Variants in HDAC1 observed in about 807,000 individuals in gnomAD.
HDAC1 encodes the protein protein deacetylase HDAC1.
HDAC1 carries 18 observed loss-of-function variants against 65.5 expected under a neutral mutation model. That is an observed-to-expected ratio of 0.27 (90% CI 0.19 to 0.41). The LOEUF (loss-of-function observed/expected upper bound fraction) is 0.41. Ranked by LOEUF, HDAC1 falls within the 10% of genes least tolerant of loss-of-function variation. The pLI is 1.00. For synonymous variants in HDAC1, 211 were observed against 227.9 expected (o/e 0.93, Z 0.67); for missense variants, 373 against 625.2 (o/e 0.60, Z 4.30).
intron 3 of HDAC1, among the ~76,000 whole-genome samples, chr1:32,319,455 A>G (rs973696382): frequency 6.6e-6 from 1 of 152,110 alleles, no homozygotes; most frequent in Non-Finnish European, 1.5e-5. Flanking sequence ...AGCCCTTTTT[A>G]AAAAAAGAAT....
chr1:32,327,133 C>T lies in HDAC1; in HGVS notation c.494+56C>T. 1 of 1,582,242 alleles carries T rather than the reference C, an allele frequency of 6.3e-7. No homozygotes were observed. The highest frequency in any genetic ancestry group is 1.1e-5 in the South Asian group (1 of 90,030). ...AGCACCTTAGGCCAGGTTCCCATTT[C>T]CCTCTTCCCCTGGGCTTGCCTCCCT... On this transcript the variant is annotated intron_variant, in intron 5 of 13. Transcript: ENST00000373548. The surrounding 1 kb of genome is among the most constrained non-coding windows in gnomAD (Gnocchi z 6.0).
intron 2 of HDAC1, among the ~76,000 whole-genome samples, chr1:32,309,692 A>C (rs1178876298): frequency 2.0e-5 from 3 of 148,380 alleles, no homozygotes; most frequent in East Asian, 3.9e-4. Context: ...AAAAAAAAAA[A>C]AAAAAAAAAA....
chr1:32,332,572 G>C (rs1417085750), intron 12 of HDAC1, 129 bp from the exon 13 acceptor site: 10 of 721,034 alleles, frequency 1.4e-5, no homozygotes, highest in Non-Finnish European at 2.4e-5. Flanking sequence ...GGGAGGACCA[G>C]GGATGGGCTT....
intron 1 of HDAC1, among the ~76,000 whole-genome samples, chr1:32,294,194 G>T (rs1202369338): frequency 6.6e-6 from 1 of 152,130 alleles, no homozygotes; most frequent in East Asian, 1.9e-4. Flanking sequence ...CCAGGCTGGA[G>T]TGCAGTGGCT....
rs916752531 is a variant in HDAC1, at chr1:32,327,366, G to T, written c.495-170G>T. On this transcript the variant is annotated intron_variant, in intron 5 of 13. Coordinates refer to ENST00000373548, the MANE Select transcript of HDAC1 (RefSeq NM_004964.3). This position sits in a 1 kb window ranked among gnomAD's most constrained non-coding sequence, Gnocchi z 6.0. ...GATCGGACTTGGTCGGCTTGGTCAG[G>T]CCTCTGGAGACACCCGGCCGCTCTT... is the stretch of plus-strand genomic sequence containing the variant. 9.1e-6 allele frequency: 6 copies of T among 657,112 alleles called. No individual in the cohort carries two copies. In the African/African-American group the frequency reaches 1.1e-4, roughly 12 times the overall value. The allele number at this position is 657,112 out of a possible 1,614,324, so 40.7% of individuals were successfully genotyped here.
chr1:32,325,227 A>G (rs923437566), intron 4 of HDAC1, among the ~76,000 whole-genome samples: 4 of 152,226 alleles, frequency 2.6e-5, no homozygotes, highest in Non-Finnish European at 4.4e-5. Flanking sequence ...TTACCTTTAG[A>G]GGTCAGAAAT....
At chr1:32,325,665 CTTGAG>C (rs1374489068) in intron 4 of HDAC1, among the ~76,000 whole-genome samples, 1 of 152,130 alleles carries the variant, frequency 6.6e-6, no homozygotes, top group Non-Finnish European at 1.5e-5. Context: ...TGTGGATTTA[CTTGAG>C]TTGATATAAT....
At chr1:32,328,955 T>C (rs1015561922) in intron 6 of HDAC1, 113 bp from the exon 7 acceptor site, 2 of 755,568 alleles carry the variant, frequency 2.6e-6, no homozygotes, top group East Asian at 4.9e-5. Flanking sequence ...CTGGCCCACA[T>C]CATGGGCCTA....
At chr1:32,299,544 C>T (rs1404587758) in intron 1 of HDAC1, among the ~76,000 whole-genome samples, 1 of 152,214 alleles carries the variant, frequency 6.6e-6, no homozygotes, top group Non-Finnish European at 1.5e-5. Flanking sequence ...TGAGCCTTGG[C>T]TGGATCTAGG....
In HDAC1 at chr1:32,330,913, T is replaced by C. The variant is rs370274596; in HGVS notation, c.979+5T>C. On this transcript the variant is annotated splice_donor_5th_base_variant and intron_variant, in intron 9 of 13. Transcript: ENST00000373548. This position sits in a 1 kb window ranked among gnomAD's most constrained non-coding sequence, Gnocchi z 4.2. ...TGGATACGGAGATCCCTAATGGTAA[T>C]AGCTGCAGGGCCAGGTTCGGCTGGG... 7.4e-5 allele frequency: 119 copies of C among 1,613,912 alleles called. No individual in the cohort carries two copies. The Admixed American group carries it at 1.7e-3, about 23-fold the overall frequency.
intron 2 of HDAC1, among the ~76,000 whole-genome samples, chr1:32,313,269 A>G (rs1463869962): frequency 6.6e-6 from 1 of 151,202 alleles, no homozygotes; most frequent in Non-Finnish European, 1.5e-5. Flanking sequence ...TAATTTTTGT[A>G]TTTTTATTGG....
chr1:32,292,707 G>A (rs74064093), intron 1 of HDAC1, among the ~76,000 whole-genome samples: 4,096 of 152,142 alleles, frequency 0.027, 181 homozygotes, highest in African/African-American at 0.093. Context: ...GGCGCCAGGG[G>A]TTGCAAGGAG....
chr1:32,318,518 G>A (rs1460948309), intron 3 of HDAC1, among the ~76,000 whole-genome samples: 3 of 151,518 alleles, frequency 2.0e-5, no homozygotes, highest in Non-Finnish European at 4.4e-5. Flanking sequence ...AGCCATGATT[G>A]TACTACTGCA....
At chr1:32,300,171 T>G (rs533845429) in intron 1 of HDAC1, among the ~76,000 whole-genome samples, 1 of 152,222 alleles carries the variant, frequency 6.6e-6, no homozygotes, top group African/African-American at 2.4e-5. Context: ...GGCACTTAAC[T>G]TCTCTGAGTC....
chr1:32,331,864 C>T lies in HDAC1; in HGVS notation c.1219+58C>T, dbSNP rs999727069. 34 of 1,544,304 alleles carry T rather than the reference C, an allele frequency of 2.2e-5. No individual in the cohort carries two copies. Among genetic ancestry groups the T allele is most frequent in the Non-Finnish European group, 2.4e-5 (27 of 1,143,006 alleles). ...ATTCAATAGGCAGCTCACACTTCCA[C>T]CACCATTCCTGGCTGCACACTCCCT... On this transcript the variant is annotated intron_variant, in intron 11 of 13. Transcript: ENST00000373548. The surrounding 1 kb of genome is among the most constrained non-coding windows in gnomAD (Gnocchi z 4.2).
Position 32,302,741 on chromosome 1 carries a change from A to G in HDAC1, c.162+8A>G. 1.5e-6 allele frequency: 2 copies of G among 1,297,248 alleles called. No homozygotes were observed. The highest frequency in any genetic ancestry group is 2.4e-5 in the South Asian group (2 of 84,902). 80.4% of individuals were successfully genotyped at this position (1,297,248 alleles called of 1,614,324 possible). On this transcript the variant is annotated splice_region_variant and intron_variant, in intron 2 of 13. Coordinates refer to ENST00000373548, the MANE Select transcript of HDAC1 (RefSeq NM_004964.3). ...CGAAAAATGGAAATCTATGTGAGTT[A>G]CCAGAGGTGCTACCGCTCCCTAACC... is the stretch of plus-strand genomic sequence containing the variant.
intron 2 of HDAC1, among the ~76,000 whole-genome samples, chr1:32,313,187 C>T (rs1641013589): frequency 6.6e-6 from 1 of 151,612 alleles, no homozygotes; most frequent in African/African-American, 2.4e-5. Flanking sequence ...CCTCTGCCTC[C>T]GAGTTCAAGC....
chr1:32,299,873 G>A (rs542796032), intron 1 of HDAC1, among the ~76,000 whole-genome samples: 37 of 151,980 alleles, frequency 2.4e-4, no homozygotes, highest in Non-Finnish European at 4.3e-4. Context: ...TGGTTAACAC[G>A]GTGAAACCCC....
chr1:32,300,503 C>T (rs554143997), intron 1 of HDAC1, among the ~76,000 whole-genome samples: 13 of 151,340 alleles, frequency 8.6e-5, no homozygotes, highest in Admixed American at 5.9e-4. Context: ...TGCACTGAGC[C>T]GCCGAGATAG....
Sources: gnomAD v4.1 joint callset for allele counts (sites outside exome capture counted in the v4.1 genomes callset) on GRCh38, gnomAD v4.1.1 for gene constraint, Gnocchi (gnomAD v3.1) non-coding constraint, MANE v1.5 for transcripts, NCBI Gene and HGNC (gene_info 2026-07-23, HGNC 2026-07-21) for gene names.